Variants in MPP7 observed in about 807,000 individuals in gnomAD.
MPP7 encodes the protein MAGUK p55 subfamily member 7.
MPP7 carries 60 observed loss-of-function variants against 76.5 expected under a neutral mutation model. The observed-to-expected ratio is 0.78, with a 90% CI of 0.64 to 0.97. MPP7 has a LOEUF of 0.97. MPP7 is among the 50% of genes least tolerant of loss of function. MPP7 has a pLI of 0.00. For missense variants in MPP7, 641 were observed against 694.0 expected (o/e 0.92, Z 0.86); for synonymous variants, 237 against 244.5 (o/e 0.97, Z 0.29).
At chr10:28,129,953 C>G in intron 6 of MPP7, among the ~76,000 whole-genome samples, 1 of 152,116 alleles carries the variant, frequency 6.6e-6, no homozygotes, top group East Asian at 1.9e-4. Flanking sequence ...CACCAACAAA[C>G]AGAATTTCAT....
intron 5 of MPP7, among the ~76,000 whole-genome samples, chr10:28,138,601 C>A (rs1010350432): frequency 1.5e-4 from 23 of 152,106 alleles, no homozygotes; most frequent in African/African-American, 5.3e-4. Flanking sequence ...TTTGACAGTT[C>A]TCCAGTGACA....
intron 3 of MPP7, among the ~76,000 whole-genome samples, chr10:28,175,153 G>A (rs950146460): frequency 2.0e-5 from 3 of 152,122 alleles, no homozygotes; most frequent in African/African-American, 7.2e-5. Flanking sequence ...AGTTGGGCGT[G>A]GTGATGCGCA....
At chr10:28,060,468 T>C (rs1426306192) in intron 13 of MPP7, among the ~76,000 whole-genome samples, 1 of 152,114 alleles carries the variant, frequency 6.6e-6, no homozygotes, top group Non-Finnish European at 1.5e-5. Flanking sequence ...AACTAAAAAC[T>C]ATGGATGCCA....
chr10:28,240,959 G>A (rs181718396), intron 1 of MPP7, among the ~76,000 whole-genome samples: 20 of 152,032 alleles, frequency 1.3e-4, no homozygotes, highest in African/African-American at 3.9e-4. Flanking sequence ...TTATATGTGT[G>A]TGTATATATA....
chr10:28,061,812 A>T (rs1218189815), intron 13 of MPP7, among the ~76,000 whole-genome samples: 1 of 149,086 alleles, frequency 6.7e-6, no homozygotes, highest in African/African-American at 2.5e-5. Flanking sequence ...CACTGAACAC[A>T]TAAGTGAATA....
intron 6 of MPP7, among the ~76,000 whole-genome samples, chr10:28,126,621 C>T (rs537508050): frequency 1.3e-5 from 2 of 152,302 alleles, no homozygotes; most frequent in Non-Finnish European, 2.9e-5. Flanking sequence ...CATAACCTTT[C>T]GTTCATAAGT....
At chr10:28,241,525 T>A (rs1214258139) in intron 1 of MPP7, among the ~76,000 whole-genome samples, 1 of 152,250 alleles carries the variant, frequency 6.6e-6, no homozygotes, top group Non-Finnish European at 1.5e-5. Flanking sequence ...GTAGTAATGA[T>A]GTTATTTTCT....
chr10:28,169,468 A>T (rs1836604440), intron 3 of MPP7, among the ~76,000 whole-genome samples: 1 of 152,046 alleles, frequency 6.6e-6, no homozygotes, highest in South Asian at 2.1e-4. Flanking sequence ...CTGAGCTATG[A>T]TTGTACCATT....
intron 11 of MPP7, among the ~76,000 whole-genome samples, chr10:28,107,264 C>G (rs1367175723): frequency 6.6e-6 from 1 of 152,164 alleles, no homozygotes; most frequent in Non-Finnish European, 1.5e-5. Flanking sequence ...CTAATGGCCT[C>G]TCTTGTGGGA....
intron 1 of MPP7, among the ~76,000 whole-genome samples, chr10:28,243,026 CTT>C (rs1317348350): frequency 2.6e-5 from 4 of 151,954 alleles, no homozygotes; most frequent in Non-Finnish European, 5.9e-5. Context: ...CAAAAGAACA[CTT>C]GTGCAATGAT....
At chr10:28,302,437 G>A (rs12263693) in intron 1 of MPP7, among the ~76,000 whole-genome samples, 4,554 of 152,306 alleles carry the variant, frequency 0.03, 234 homozygotes, top group African/African-American at 0.1. Context: ...ACGCCTTTCT[G>A]GCTTAGGGAA....
chr10:28,196,233 C>G (rs548907373), intron 3 of MPP7, among the ~76,000 whole-genome samples: 15 of 152,302 alleles, frequency 9.8e-5, no homozygotes, highest in Middle Eastern at 3.4e-3. Context: ...GTAATCCCAG[C>G]ACTTTGGGAG....
chr10:28,142,856 C>T (rs1310500371), intron 5 of MPP7, among the ~76,000 whole-genome samples: 1 of 152,150 alleles, frequency 6.6e-6, no homozygotes, highest in Non-Finnish European at 1.5e-5. Context: ...TCTGTCTTAA[C>T]AACAAGCTGG....
chr10:28,201,627 C>T (rs985691751), intron 3 of MPP7, among the ~76,000 whole-genome samples: 24 of 152,094 alleles, frequency 1.6e-4, no homozygotes, highest in African/African-American at 5.6e-4. Context: ...AAAACTGTCT[C>T]CAAAAACTGT....
rs72803645 is a variant in MPP7, at chr10:28,154,111, T to C, written c.157-4052A>G. Among the ~76,000 whole-genome samples, 496 of 152,296 alleles carry C rather than the reference T, an allele frequency of 3.3e-3. 2 individuals carry two copies. The highest frequency in any genetic ancestry group is 5.9e-3 in the Non-Finnish European group (401 of 68,022). On this transcript the variant is annotated intron_variant, in intron 3 of 16. Coordinates refer to ENST00000683449, the MANE Select transcript of MPP7 (RefSeq NM_001318170.2). ...ACTGGCCACTTTGCTAACTTTACAA[T>C]GTAGGACTTGGTGGATAAAACTCTC...
chr10:28,147,619 G>C (rs1054496575), intron 4 of MPP7, 56 bp from the exon 5 acceptor site: 1 of 1,470,166 alleles, frequency 6.8e-7, no homozygotes, highest in African/African-American at 1.4e-5. Context: ...TTGTGGGATT[G>C]GGTGTGTGAC....
At position 28,311,803 on chromosome 10, in the gene MPP7, T is replaced by C. The variant is rs551363292; in HGVS notation, c.-132+18126A>G. On this transcript the variant is annotated intron_variant, in intron 2 of 11. Transcript: ENST00000441595. ...ACACACACAAACACTGAGATTCTCA[T>C]GTCAACTAATGCTCCGTCCTCCCTC... Among the ~76,000 whole-genome samples, 261 of 152,074 alleles carry C rather than the reference T, an allele frequency of 1.7e-3. 1 individual carries two copies. The highest frequency in any genetic ancestry group is 2.8e-3 in the Non-Finnish European group (190 of 67,960).
intron 3 of MPP7, among the ~76,000 whole-genome samples, chr10:28,163,572 T>G (rs532676113): frequency 6.6e-6 from 1 of 152,206 alleles, no homozygotes; most frequent in African/African-American, 2.4e-5. Flanking sequence ...TACTCAAATA[T>G]TTTCAAATAA....
intron 2 of MPP7, among the ~76,000 whole-genome samples, chr10:28,319,678 T>C (rs1203980380): frequency 6.6e-6 from 1 of 151,656 alleles, no homozygotes; most frequent in East Asian, 2.0e-4. Context: ...CTGCCATTTA[T>C]AAAAACACAT....
Sources: gnomAD v4.1 joint callset for allele counts (sites outside exome capture counted in the v4.1 genomes callset) on GRCh38, gnomAD v4.1.1 for gene constraint, MANE v1.5 for transcripts, NCBI Gene and HGNC (gene_info 2026-07-23, HGNC 2026-07-21) for gene names.